Variants in ERC2 observed in about 807,000 individuals in gnomAD.
ERC2 encodes the protein ERC protein 2.
A neutral mutation model predicts 114.8 loss-of-function variants in ERC2; 42 were observed. The observed-to-expected ratio is 0.37, with a 90% CI of 0.29 to 0.47. The LOEUF is 0.47. Ranked by LOEUF, ERC2 falls within the 20% of genes least tolerant of loss-of-function variation. The pLI is 0.99. For missense variants in ERC2, 939 were observed against 1,150.7 expected (o/e 0.82, Z 2.66); for synonymous variants, 454 against 425.5 (o/e 1.07, Z -0.82).
intron 1 of ERC2, among the ~76,000 whole-genome samples, chr3:56,467,630 G>A (rs558330121): frequency 1.3e-5 from 2 of 152,064 alleles, no homozygotes; most frequent in Non-Finnish European, 1.5e-5. Context: ...GAGGAGAGAA[G>A]GGATGCCGTT....
chr3:55,808,729 ATATATATATATATAAC>A (rs1287462150), intron 14 of ERC2, among the ~76,000 whole-genome samples: 1 of 115,398 alleles, frequency 8.7e-6, no homozygotes, highest in African/African-American at 3.7e-5. Flanking sequence ...ATATATATAT[ATATATATATATATAAC>A]GTATAACTAA....
chr3:56,286,545 T>C (rs2054730436), intron 3 of ERC2, among the ~76,000 whole-genome samples: 1 of 152,108 alleles, frequency 6.6e-6, no homozygotes, highest in African/African-American at 2.4e-5. Context: ...GACAGGCTTT[T>C]ACCAAATGTC....
At position 56,254,200 on chromosome 3, in the gene ERC2, G is replaced by T. The variant is rs75186003; in HGVS notation, c.1074+41819C>A. 4.0e-3 allele frequency among the ~76,000 whole-genome samples: 611 copies of T among 152,280 alleles called. 4 individuals carry two copies. The highest frequency in any genetic ancestry group is 5.8e-3 in the Non-Finnish European group (396 of 68,024). On this transcript the variant is annotated intron_variant, in intron 3 of 17. Transcript: ENST00000288221. ...CCCCATGGATTGCTGCGGCATGATG[G>T]GATGTTGCAAAGTGACTCTAACAGG...
chr3:56,006,777 C>T (rs372230552), intron 10 of ERC2, among the ~76,000 whole-genome samples: 2 of 152,032 alleles, frequency 1.3e-5, no homozygotes, highest in East Asian at 3.9e-4. Flanking sequence ...TTGCAAAGTT[C>T]TGGTACAAAA....
chr3:55,805,674 A>G (rs79490255), intron 14 of ERC2, among the ~76,000 whole-genome samples: 10 of 151,774 alleles, frequency 6.6e-5, no homozygotes, highest in South Asian at 2.1e-4. Flanking sequence ...TATTCACAAC[A>G]ACAACAAAGA....
At chr3:56,392,781 T>A (rs2060175565) in intron 2 of ERC2, among the ~76,000 whole-genome samples, 1 of 152,170 alleles carries the variant, frequency 6.6e-6, no homozygotes, top group African/African-American at 2.4e-5. Context: ...TGGTAAAGGA[T>A]CTCAGGAAAC....
At chr3:56,185,625 T>C (rs1407073911) in intron 3 of ERC2, among the ~76,000 whole-genome samples, 2 of 152,184 alleles carry the variant, frequency 1.3e-5, no homozygotes, top group African/African-American at 4.8e-5. Context: ...AATGTATTTA[T>C]TACTTTGGAG....
rs532047573 is a variant in ERC2, at chr3:56,024,335, G to T, written c.1642-5304C>A. ...CAGTACAGTGAGCTCTGTCCCACTC[G>T]TTCTCTTTGGCCGCAGCACCCAACT... On this transcript the variant is annotated intron_variant, in intron 7 of 17. Transcript: ENST00000288221. Among the ~76,000 whole-genome samples, 5 of 152,104 alleles carry T rather than the reference G, an allele frequency of 3.3e-5. No individual in the cohort carries two copies. The East Asian group carries it at 9.6e-4, about 29-fold the overall frequency.
intron 3 of ERC2, among the ~76,000 whole-genome samples, chr3:56,239,735 A>G (rs2051202130): frequency 2.0e-5 from 3 of 152,226 alleles, no homozygotes; most frequent in African/African-American, 7.2e-5. Context: ...TTAAACAAGT[A>G]TAGTAAAAGA....
intron 7 of ERC2, among the ~76,000 whole-genome samples, chr3:56,056,142 C>G (rs185378429): frequency 5.3e-5 from 8 of 152,250 alleles, no homozygotes; most frequent in African/African-American, 1.4e-4. Flanking sequence ...TCCTGTCTCA[C>G]CAGACCAAGA....
intron 3 of ERC2, among the ~76,000 whole-genome samples, chr3:56,212,026 T>C (rs1575851054): frequency 3.9e-5 from 6 of 152,094 alleles, no homozygotes; most frequent in Admixed American, 6.6e-5. Context: ...TTTCTAGACA[T>C]TGGCTTAGGC....
intron 7 of ERC2, among the ~76,000 whole-genome samples, chr3:56,074,990 G>A (rs944124776): frequency 6.6e-6 from 1 of 152,188 alleles, no homozygotes; most frequent in African/African-American, 2.4e-5. Context: ...GCGAGAAGCT[G>A]GAGGTATCTT....
At chr3:55,569,337 C>T (rs1480399860) in intron 17 of ERC2, among the ~76,000 whole-genome samples, 2 of 152,190 alleles carry the variant, frequency 1.3e-5, no homozygotes, top group African/African-American at 2.4e-5. Context: ...GGAATCTGCA[C>T]TCCTTCCATT....
rs888519455 is a variant in ERC2 at position 56,205,076 on chromosome 3, G to A, written c.1075-31556C>T. On this transcript the variant is annotated intron_variant, in intron 3 of 17. Coordinates refer to ENST00000288221, the MANE Select transcript of ERC2 (RefSeq NM_015576.3). ...CCATAAAACTCTGCCTTTTCCTAAT[G>A]TAACTGCTTGCCTCATGTAGAATCT... is the stretch of plus-strand genomic sequence containing the variant. Among the ~76,000 whole-genome samples, 64 of 152,042 alleles carry A rather than the reference G, an allele frequency of 4.2e-4. No individual in the cohort carries two copies. The Middle Eastern group carries it at 0.01, about 24-fold the overall frequency.
At chr3:56,031,851 C>T (rs1246447068) in intron 7 of ERC2, among the ~76,000 whole-genome samples, 1 of 152,272 alleles carries the variant, frequency 6.6e-6, no homozygotes, top group African/African-American at 2.4e-5. Flanking sequence ...AAAAATTCCA[C>T]TGGGATTTTT....
chr3:56,103,867 G>A (rs1307633025), intron 6 of ERC2, among the ~76,000 whole-genome samples: 1 of 152,078 alleles, frequency 6.6e-6, no homozygotes, highest in African/African-American at 2.4e-5. Flanking sequence ...GTGTCAAGAG[G>A]AGTTTGCCAG....
chr3:56,430,721 C>T (rs1336460828), intron 2 of ERC2, among the ~76,000 whole-genome samples: 1 of 152,138 alleles, frequency 6.6e-6, no homozygotes, highest in African/African-American at 2.4e-5. Context: ...CCCAGGAGGT[C>T]AAGGCTGCAG....
intron 12 of ERC2, among the ~76,000 whole-genome samples, chr3:55,973,433 G>A (rs1559957059): frequency 6.6e-6 from 1 of 152,214 alleles, no homozygotes; most frequent in African/African-American, 2.4e-5. Flanking sequence ...TGCATGGGAA[G>A]TAACAGGTAG....
At chr3:56,388,971 G>C (rs191661974) in intron 2 of ERC2, among the ~76,000 whole-genome samples, 1 of 152,022 alleles carries the variant, frequency 6.6e-6, no homozygotes, top group Non-Finnish European at 1.5e-5. Context: ...GACAGAAAGA[G>C]AAATTTATGA....
Sources: allele counts gnomAD v4.1 joint callset (sites outside exome capture counted in the v4.1 genomes callset), GRCh38; gene constraint gnomAD v4.1.1; transcripts MANE v1.5; gene names NCBI Gene and HGNC (gene_info 2026-07-23, HGNC 2026-07-21).